Variants in NLGN4X observed in about 807,000 individuals in gnomAD.
The protein encoded by NLGN4X is neuroligin 4 X-linked, also known as neuroligin-4, X-linked.
Under a neutral mutation model 40.3 loss-of-function variants are expected in NLGN4X, and 3 were observed. That is an observed-to-expected ratio of 0.07 (90% confidence interval 0.03 to 0.19). The LOEUF (loss-of-function observed/expected upper bound fraction) is 0.19. Ranked by LOEUF, NLGN4X falls within the 10% of genes least tolerant of loss-of-function variation. NLGN4X has a pLI of 1.00. For missense variants in NLGN4X, 382 were observed against 708.3 expected, an observed-to-expected ratio of 0.54 and a Z score of 5.23; for synonymous variants, 270 against 306.8, an observed-to-expected ratio of 0.88 and a Z score of 1.25.
intron 3 of NLGN4X, among the ~76,000 whole-genome samples, chrX:5,966,286 T>C (rs1342097597): frequency 8.9e-6 from 1 of 112,680 alleles, no homozygotes; most frequent in South Asian, 3.7e-4. Context: ...AGTAACAGAC[T>C]ATGAGTATGA....
chrX:5,994,792 A>G (rs2035774368), intron 3 of NLGN4X, among the ~76,000 whole-genome samples: 1 of 111,995 alleles, frequency 8.9e-6, no homozygotes, highest in South Asian at 3.7e-4. Flanking sequence ...CGGCAGAAGG[A>G]TATTCAATAT....
intron 3 of NLGN4X, among the ~76,000 whole-genome samples, chrX:5,981,552 T>G (rs769572998): frequency 3.7e-5 from 4 of 108,877 alleles, no homozygotes; most frequent in African/African-American, 1.3e-4. Context: ...CAACTAAATT[T>G]TGAAAACATT....
intron 1 of NLGN4X, among the ~76,000 whole-genome samples, chrX:6,157,653 G>A (rs957974082): frequency 1.3e-4 from 15 of 111,397 alleles, no homozygotes; most frequent in African/African-American, 4.9e-4. Context: ...TTCCTAGAGG[G>A]CTGTATTTTC....
At chrX:6,079,679 A>G (rs1200955051) in intron 2 of NLGN4X, among the ~76,000 whole-genome samples, 1 of 112,362 alleles carries the variant, frequency 8.9e-6, no homozygotes, top group Non-Finnish European at 1.9e-5. Context: ...CCCATATCCC[A>G]AAGCACATAA....
chrX:5,992,386 G>A (rs1305236292), intron 3 of NLGN4X, among the ~76,000 whole-genome samples: 3 of 111,529 alleles, frequency 2.7e-5, no homozygotes, highest in East Asian at 5.7e-4. Flanking sequence ...CAGGAGGACC[G>A]CTTGAGGTCA....
intron 3 of NLGN4X, among the ~76,000 whole-genome samples, chrX:6,015,582 C>T (rs1416677282): frequency 9.0e-6 from 1 of 111,548 alleles, no homozygotes; most frequent in Non-Finnish European, 1.9e-5. Context: ...ATGCCTTCCC[C>T]CAATAGACTG....
At chrX:5,936,795 CT>C (rs1169174412) in intron 3 of NLGN4X, among the ~76,000 whole-genome samples, 2 of 111,902 alleles carry the variant, frequency 1.8e-5, no homozygotes, top group Non-Finnish European at 3.8e-5. Flanking sequence ...AGAGAACTGC[CT>C]TTCAGAGAAT....
chrX:6,141,496 T>C (rs1191682685), intron 2 of NLGN4X, among the ~76,000 whole-genome samples: 1 of 112,156 alleles, frequency 8.9e-6, no homozygotes, highest in Non-Finnish European at 1.9e-5. Flanking sequence ...CTCTTATTTT[T>C]AATAGCTGAG....
chrX:6,025,829 G>A (rs967872226), intron 3 of NLGN4X, among the ~76,000 whole-genome samples: 2 of 107,852 alleles, frequency 1.9e-5, no homozygotes, highest in Admixed American at 2.0e-4. Context: ...GCTTGGACCC[G>A]GGAGGCAGAG....
intron 2 of NLGN4X, among the ~76,000 whole-genome samples, chrX:6,092,166 A>G (rs966251345): frequency 9.0e-6 from 1 of 111,637 alleles, no homozygotes; most frequent in African/African-American, 3.3e-5. Flanking sequence ...TTGCTAGTGA[A>G]CTTCTGGGCA....
At chrX:6,097,807 A>T (rs1334820013) in intron 2 of NLGN4X, among the ~76,000 whole-genome samples, 1 of 111,520 alleles carries the variant, frequency 9.0e-6, no homozygotes, top group Non-Finnish European at 1.9e-5. Context: ...ACTCAGGCTT[A>T]AAAAAATAAC....
intron 2 of NLGN4X, among the ~76,000 whole-genome samples, chrX:6,040,301 G>A (rs4826830): frequency 0.42 from 46,611 of 109,738 alleles, 7,441 homozygotes; most frequent in Admixed American, 0.5. Context: ...TTATAGCTGA[G>A]GAAAATTAGG....
At chrX:5,998,044 T>C (rs2035879367) in intron 3 of NLGN4X, among the ~76,000 whole-genome samples, 1 of 111,951 alleles carries the variant, frequency 8.9e-6, no homozygotes, top group Non-Finnish European at 1.9e-5. Context: ...TTAAGCCCTT[T>C]GTATTTTTCT....
intron 2 of NLGN4X, among the ~76,000 whole-genome samples, chrX:6,108,319 C>A (rs1408113885): frequency 1.8e-5 from 2 of 111,697 alleles, no homozygotes; most frequent in African/African-American, 6.5e-5. Context: ...TTGGAATCTG[C>A]AGGATACTGT....
At chrX:5,969,739 T>A (rs5916277) in intron 3 of NLGN4X, among the ~76,000 whole-genome samples, 1 of 108,644 alleles carries the variant, frequency 9.2e-6, no homozygotes, top group Non-Finnish European at 1.9e-5. Context: ...GTTTATTGCG[T>A]CACTATTCGT....
intron 3 of NLGN4X, among the ~76,000 whole-genome samples, chrX:5,972,778 C>T (rs866708726): frequency 9.6e-5 from 2 of 20,866 alleles, no homozygotes; most frequent in Admixed American, 1.4e-3. Context: ...GGGGTGGGGG[C>T]GGGGATGTCT....
rs1193469945 is a variant in NLGN4X, at chrX:5,891,321, T to C, written c.*1496A>G. 1.3e-5 allele frequency: 3 copies of C among 228,387 alleles called. No individual in the cohort carries two copies. Among genetic ancestry groups the C allele is most frequent in the East Asian group, 2.6e-4 (2 of 7,579 alleles). The allele number at this position is 228,387 out of a possible 1,213,427, so 18.8% of individuals were successfully genotyped here. On this transcript the variant is annotated 3_prime_UTR_variant, in exon 6 of 6. Coordinates refer to ENST00000381095, the MANE Select transcript of NLGN4X (RefSeq NM_181332.3). ...TATCCTTTCTTCCCCCATTCTTCTA[T>C]AATATTCACCGTTTGGTGACCGGAT... is the stretch of plus-strand genomic sequence containing the variant.
chrX:6,066,078 G>A (rs1401391154), intron 2 of NLGN4X, among the ~76,000 whole-genome samples: 1 of 111,860 alleles, frequency 8.9e-6, no homozygotes, highest in East Asian at 2.8e-4. Flanking sequence ...AAGAGGTATT[G>A]GTAAGTATTT....
At chrX:6,010,125 T>G (rs1023934127) in intron 3 of NLGN4X, among the ~76,000 whole-genome samples, 1 of 112,001 alleles carries the variant, frequency 8.9e-6, no homozygotes, top group Non-Finnish European at 1.9e-5. Flanking sequence ...AGGGCTAATT[T>G]CCTGTAGGAG....
Sources: gnomAD v4.1 joint callset for allele counts (sites outside exome capture counted in the v4.1 genomes callset) on GRCh38, gnomAD v4.1.1 for gene constraint, MANE v1.5 for transcripts, NCBI Gene and HGNC (gene_info 2026-07-23, HGNC 2026-07-21) for gene names.